DCC: variants seen among roughly 807,000 people sequenced by gnomAD.
DCC encodes netrin receptor DCC.
A neutral mutation model predicts 172.5 loss-of-function variants in DCC; 58 were observed. The observed-to-expected ratio is 0.34, with a 90% CI of 0.27 to 0.42. The LOEUF (loss-of-function observed/expected upper bound fraction) is 0.42. Among genes scored for constraint, DCC ranks in the 10% least tolerant of loss-of-function variants. The pLI, the probability that DCC is intolerant of heterozygous loss-of-function variation, is 1.00. For missense variants in DCC, 1,740 were observed against 1,791.0 expected (o/e 0.97, Z 0.51); for synonymous variants, 709 against 644.5 (o/e 1.10, Z -1.52).
chr18:52,930,029 C>T (rs1458015913), intron 5 of DCC, among the ~76,000 whole-genome samples: 5 of 151,990 alleles, frequency 3.3e-5, no homozygotes, highest in Non-Finnish European at 4.4e-5. Flanking sequence ...TCTGTTGTGG[C>T]CTTGAGTTCG....
chr18:53,248,379 A>G (rs1032636227), intron 12 of DCC, among the ~76,000 whole-genome samples: 3 of 152,014 alleles, frequency 2.0e-5, no homozygotes, highest in African/African-American at 4.8e-5. Context: ...TAAGGAAAGG[A>G]TTACTAGAGG....
chr18:52,949,772 G>A (rs2040606364), intron 5 of DCC, among the ~76,000 whole-genome samples: 1 of 152,194 alleles, frequency 6.6e-6, no homozygotes, highest in Non-Finnish European at 1.5e-5. Flanking sequence ...TAACATCTTG[G>A]TGATAATATA....
chr18:52,889,525 C>A (rs115996267), intron 2 of DCC, among the ~76,000 whole-genome samples: 2,309 of 152,182 alleles, frequency 0.015, 43 homozygotes, highest in African/African-American at 0.039. Flanking sequence ...TAGCTATTGA[C>A]ATGAAAGCCA....
intron 15 of DCC, among the ~76,000 whole-genome samples, chr18:53,360,973 C>A (rs2057938699): frequency 6.6e-6 from 1 of 152,036 alleles, no homozygotes. Context: ...GTGACTGTGA[C>A]CTTAGATGGA....
chr18:53,018,383 G>A (rs4076845), intron 5 of DCC, among the ~76,000 whole-genome samples: 2 of 152,188 alleles, frequency 1.3e-5, no homozygotes, highest in East Asian at 3.9e-4. Context: ...TGGCTTTAAG[G>A]AAGATACATT....
intron 5 of DCC, among the ~76,000 whole-genome samples, chr18:52,976,345 G>A (rs1201643911): frequency 2.0e-5 from 3 of 151,834 alleles, no homozygotes; most frequent in African/African-American, 7.3e-5. Context: ...GAACTTCTTT[G>A]GTTTAATTTG....
intron 12 of DCC, among the ~76,000 whole-genome samples, chr18:53,237,763 A>G (rs1178792702): frequency 6.6e-6 from 1 of 152,214 alleles, no homozygotes; most frequent in Non-Finnish European, 1.5e-5. Context: ...ATTATTGAGT[A>G]TACAAAGTTA....
At chr18:53,094,189 G>C (rs1339535907) in intron 7 of DCC, among the ~76,000 whole-genome samples, 3 of 152,112 alleles carry the variant, frequency 2.0e-5, no homozygotes, top group Non-Finnish European at 4.4e-5. Context: ...GGATCCATTT[G>C]TGTTATATGA....
intron 1 of DCC, among the ~76,000 whole-genome samples, chr18:52,377,611 T>C (rs866020532): frequency 6.7e-5 from 10 of 149,756 alleles, no homozygotes; most frequent in African/African-American, 2.5e-4. Flanking sequence ...ACAGAGTCTT[T>C]GCCACCCATT....
At chr18:53,200,245 C>T (rs949663777) in intron 9 of DCC, among the ~76,000 whole-genome samples, 2 of 152,166 alleles carry the variant, frequency 1.3e-5, no homozygotes, top group Non-Finnish European at 2.9e-5. Flanking sequence ...TGCCCACAGG[C>T]TCACATGCAC....
chr18:53,019,016 C>T (rs1053742520), intron 5 of DCC, among the ~76,000 whole-genome samples: 2 of 152,232 alleles, frequency 1.3e-5, no homozygotes, highest in East Asian at 1.9e-4. Context: ...CAACAAAAAA[C>T]TTGGTGCCTG....
chr18:53,127,029 T>C (rs2043568023), intron 7 of DCC, among the ~76,000 whole-genome samples: 1 of 152,058 alleles, frequency 6.6e-6, no homozygotes, highest in African/African-American at 2.4e-5. Flanking sequence ...TAGGTGCATC[T>C]CTTTCAGACT....
At chr18:53,303,764 T>C (rs1343847651) in intron 12 of DCC, among the ~76,000 whole-genome samples, 1 of 152,184 alleles carries the variant, frequency 6.6e-6, no homozygotes, top group Non-Finnish European at 1.5e-5. Flanking sequence ...TGTGCTACAG[T>C]GCTCTTTCAG....
chr18:52,668,116 G>A (rs1009516781), intron 1 of DCC, among the ~76,000 whole-genome samples: 13 of 152,114 alleles, frequency 8.5e-5, no homozygotes, highest in Admixed American at 3.3e-4. Flanking sequence ...CCAGCTTTCC[G>A]GAAAGTCAGG....
At chr18:52,854,345 A>G (rs2039019868) in intron 2 of DCC, among the ~76,000 whole-genome samples, 1 of 152,106 alleles carries the variant, frequency 6.6e-6, no homozygotes, top group Admixed American at 6.5e-5. Context: ...AATTATTTGA[A>G]GGTTTGGCTG....
Position 53,305,700 on chromosome 18 carries a change from C to T in DCC, c.2034C>T (p.Asn678=). 1.9e-6 allele frequency: 3 copies of T among 1,613,968 alleles called. No individual in the cohort carries two copies. Among genetic ancestry groups the T allele is most frequent in the Non-Finnish European group, 1.7e-6 (2 of 1,179,918 alleles). Residue 678 remains asparagine (N), a synonymous_variant, in exon 13 of 29, where the codon AAC becomes AAT. Transcript: ENST00000442544. The stretch of plus-strand genomic sequence containing the variant: ...AGATGGAAACACTGGAGCCAAACAA[C>T]CTCTGGTACCTATTCACAGGTCAGT... ...RGEMETLEPN[N]LWYLFTGLEK... is the part of the protein sequence containing the mutation.
chr18:52,483,118 T>C (rs1444074954), intron 1 of DCC, among the ~76,000 whole-genome samples: 3 of 152,140 alleles, frequency 2.0e-5, no homozygotes, highest in African/African-American at 7.2e-5. Flanking sequence ...CCTCTTCATA[T>C]GGCCTTCTCT....
chr18:52,670,609 G>A (rs2035533933), intron 1 of DCC, among the ~76,000 whole-genome samples: 1 of 152,202 alleles, frequency 6.6e-6, no homozygotes, highest in Admixed American at 6.5e-5. Flanking sequence ...GGAGGCCAAG[G>A]CAGGTGGATC....
At chr18:52,921,614 C>A (rs1598932311) in intron 3 of DCC, among the ~76,000 whole-genome samples, 3 of 151,588 alleles carry the variant, frequency 2.0e-5, no homozygotes, top group South Asian at 4.2e-4. Flanking sequence ...CAGGAGAATC[C>A]GTTGAACCCA....
Sources: allele counts gnomAD v4.1 joint callset (sites outside exome capture counted in the v4.1 genomes callset), GRCh38; gene constraint gnomAD v4.1.1; transcripts MANE v1.5; gene names NCBI Gene and HGNC (gene_info 2026-07-23, HGNC 2026-07-21).